ST3GAL3: variants seen among roughly 807,000 people sequenced by gnomAD.
ST3GAL3 encodes ST3 beta-galactoside alpha-2,3-sialyltransferase 3, also known as CMP-N-acetylneuraminate-beta-1,4-galactoside alpha-2,3-sialyltransferase.
A neutral mutation model predicts 50.1 loss-of-function variants in ST3GAL3; 21 were observed. That is an observed-to-expected ratio of 0.42 (90% CI 0.30 to 0.60). The LOEUF (loss-of-function observed/expected upper bound fraction) is 0.60, where lower values mean the gene tolerates loss of function less well. Among genes scored for constraint, ST3GAL3 ranks in the 20% least tolerant of loss-of-function variants. The probability of loss-of-function intolerance (pLI) is 0.19; values close to 1 mark genes in which losing one functional copy is unlikely to be tolerated. For missense variants in ST3GAL3, 353 were observed against 489.4 expected (o/e 0.72, Z 2.63); for synonymous variants, 183 against 190.0 (o/e 0.96, Z 0.30).
At chr1:43,910,880 C>T (rs549672421) in intron 9 of ST3GAL3, among the ~76,000 whole-genome samples, 2 of 152,340 alleles carry the variant, frequency 1.3e-5, no homozygotes, top group East Asian at 1.9e-4. Flanking sequence ...TGGCCACAAC[C>T]TTTGCCGTGG....
intron 6 of ST3GAL3, among the ~76,000 whole-genome samples, chr1:43,896,516 A>T (rs1443403564): frequency 1.3e-5 from 2 of 152,150 alleles, no homozygotes; most frequent in Admixed American, 1.3e-4. Context: ...ATTCTGCATT[A>T]TCCTGGCTTC....
intron 5 of ST3GAL3, among the ~76,000 whole-genome samples, chr1:43,892,936 T>G (rs1046295091): frequency 6.6e-6 from 1 of 152,244 alleles, no homozygotes; most frequent in Non-Finnish European, 1.5e-5. Context: ...ACTTAGATTT[T>G]ATATACTTGG....
intron 5 of ST3GAL3, among the ~76,000 whole-genome samples, chr1:43,867,855 GT>G (rs1222617787): frequency 6.6e-6 from 1 of 152,140 alleles, no homozygotes; most frequent in East Asian, 1.9e-4. Context: ...ATATATAAGG[GT>G]TGAATAGGAT....
At chr1:43,880,000 G>A (rs574129533) in intron 5 of ST3GAL3, among the ~76,000 whole-genome samples, 104 of 152,202 alleles carry the variant, frequency 6.8e-4, no homozygotes, top group Non-Finnish European at 1.1e-3. Flanking sequence ...ATGCTCTCCA[G>A]CCTCTGTGCA....
intron 2 of ST3GAL3, among the ~76,000 whole-genome samples, chr1:43,770,098 G>GA (rs949929349): frequency 9.3e-4 from 141 of 152,096 alleles, no homozygotes; most frequent in African/African-American, 3.4e-3. Context: ...AAAGATTTTT[G>GA]AAATGGAAAT....
intron 4 of ST3GAL3, among the ~76,000 whole-genome samples, chr1:43,823,352 G>A (rs1405577692): frequency 6.6e-6 from 1 of 151,994 alleles, no homozygotes. Context: ...CTTGTTTATT[G>A]TTTTATCCTG....
chr1:43,826,221 G>A (rs969541021), intron 4 of ST3GAL3, among the ~76,000 whole-genome samples: 4 of 152,106 alleles, frequency 2.6e-5, no homozygotes, highest in African/African-American at 9.7e-5. Context: ...TCACACCACT[G>A]CACTCCAGCC....
chr1:43,735,803 A>G (rs1208664736), intron 1 of ST3GAL3, among the ~76,000 whole-genome samples: 1 of 152,240 alleles, frequency 6.6e-6, no homozygotes, highest in Non-Finnish European at 1.5e-5. Context: ...AAGCAGGGAT[A>G]TTGTCAGATT....
Position 43,899,744 on chromosome 1 carries a change from C to T in ST3GAL3, c.744+17C>T. 1.9e-6 allele frequency: 3 copies of T among 1,611,618 alleles called. No individual in the cohort carries two copies. Among genetic ancestry groups the T allele is most frequent in the Non-Finnish European group, 2.5e-6 (3 of 1,178,016 alleles). On this transcript the variant is annotated intron_variant, in intron 9 of 11. Transcript: ENST00000347631. This position sits in a 1 kb window ranked among gnomAD's most constrained non-coding sequence, Gnocchi z 5.4. The stretch of plus-strand genomic sequence containing the variant: ...GAGAGAGTGGTAAGCTCTCCTGGCA[C>T]CAGCTTCTTCCCCTCTTGCCCTGGG...
intron 5 of ST3GAL3, among the ~76,000 whole-genome samples, chr1:43,889,325 T>C (rs979316069): frequency 1.3e-5 from 2 of 152,110 alleles, no homozygotes; most frequent in Admixed American, 1.3e-4. Context: ...GGGACAGAGA[T>C]GAAAGCTAGA....
chr1:43,734,371 C>T (rs1473804049), intron 1 of ST3GAL3, among the ~76,000 whole-genome samples: 1 of 145,828 alleles, frequency 6.9e-6, no homozygotes, highest in Non-Finnish European at 1.5e-5. Context: ...GTGGCACGCT[C>T]ACAACTCACT....
chr1:43,894,549 A>C, intron 6 of ST3GAL3, 72 bp downstream of exon 6: 1 of 1,379,398 alleles, frequency 7.2e-7, no homozygotes, highest in South Asian at 1.2e-5. Flanking sequence ...AGACAAGGCT[A>C]CATCCTCAGA....
rs1553350867 is a variant in ST3GAL3 at position 43,817,570 on chromosome 1, T to TCTTCTTCTTC, written c.209+2642_209+2643insTCTTCCTTCT. ...TCTTCTTCTTCTCCTTCTTCCTTCTTCTTCTCCTTCTCCTCCTTCTCCTCC... is the reference window on the plus strand; with the variant it reads ...TCTTCTTCTTCTCCTTCTTCCTTCTTCTTCTTCTTCCTTCTCCTTCTCCTCCTTCTCCTCC... On this transcript the variant is annotated intron_variant, in intron 4 of 11. Coordinates refer to ENST00000347631, the MANE Select transcript of ST3GAL3 (RefSeq NM_006279.5). Among the ~76,000 whole-genome samples the TCTTCTTCTTC allele has an allele frequency of 2.2e-4, 17 of 76,372 alleles. 3 individuals carry two copies. The highest frequency in any genetic ancestry group is 4.3e-4 in the Non-Finnish European group (16 of 36,964). The allele number at this position is 76,372 out of a possible 152,430, so 50.1% of individuals were successfully genotyped here.
intron 5 of ST3GAL3, among the ~76,000 whole-genome samples, chr1:43,857,097 T>C (rs781555086): frequency 6.6e-6 from 1 of 152,166 alleles, no homozygotes; most frequent in Non-Finnish European, 1.5e-5. Context: ...TCAGAGTACA[T>C]TGTTTCTCCT....
rs1159278598 is a variant in ST3GAL3, at chr1:43,838,721, G to T, written c.302+410G>T. ...ATCCAAATAAAGCAGGGAACAAAGA[G>T]AAATTTCTGAGGCTGTCTTGAGTTT... On this transcript the variant is annotated intron_variant, in intron 5 of 11. Coordinates refer to ENST00000347631, the MANE Select transcript of ST3GAL3 (RefSeq NM_006279.5). The T allele has an allele frequency of 1.1e-5, 3 of 275,938 alleles. No homozygotes were observed. In the East Asian group the frequency reaches 2.5e-4, roughly 23 times the overall value. The allele number at this position is 275,938 out of a possible 1,614,324, so 17.1% of individuals were successfully genotyped here. A position where few individuals can be genotyped will look rare whatever the true frequency, so the allele number is the denominator to read the frequency against.
rs1403041791 is a variant in ST3GAL3, at chr1:43,898,240, C to G, written c.403C>G (p.Leu135Val). ...CCTCTCTCCTCTGTCTGCAGACAATCTGATCAAAGCCATCTTGTCAGTCAC... is the reference window on the plus strand; with the variant it reads ...CCTCTCTCCTCTGTCTGCAGACAATGTGATCAAAGCCATCTTGTCAGTCAC... ...PPFGIKGQDNLIKAILSVTKE... is the reference protein window; with the variant it reads ...PPFGIKGQDNVIKAILSVTKE... Residue 135 changes from leucine to valine, a missense_variant, in exon 7 of 12, where the codon CTG becomes GTG. Physicochemically the swap from Leu to Val is conservative, Grantham distance 32 (BLOSUM62 1). Coordinates refer to ENST00000347631, the MANE Select transcript of ST3GAL3 (RefSeq NM_006279.5). 1 of 1,613,942 alleles carries G rather than the reference C, an allele frequency of 6.2e-7. No individual in the cohort carries two copies. Among genetic ancestry groups the G allele is most frequent in the Non-Finnish European group, 8.5e-7 (1 of 1,180,016 alleles).
At chr1:43,735,115 T>G (rs1010088920) in intron 1 of ST3GAL3, among the ~76,000 whole-genome samples, 11 of 152,096 alleles carry the variant, frequency 7.2e-5, no homozygotes, top group African/African-American at 2.7e-4. Flanking sequence ...AAATCGAGGC[T>G]CAGTCAGAAA....
chr1:43,875,608 T>A (rs1295927636), intron 5 of ST3GAL3, among the ~76,000 whole-genome samples: 1 of 152,090 alleles, frequency 6.6e-6, no homozygotes, highest in Non-Finnish European at 1.5e-5. Flanking sequence ...TTTATAAGCA[T>A]CTGGCATTTC....
intron 5 of ST3GAL3, among the ~76,000 whole-genome samples, chr1:43,845,980 T>G (rs1439512694): frequency 2.6e-5 from 4 of 152,248 alleles, no homozygotes; most frequent in African/African-American, 4.8e-5. Context: ...TCTGATTTAT[T>G]TTTGCTGTGC....
Sources: gnomAD v4.1 joint callset for allele counts (sites outside exome capture counted in the v4.1 genomes callset) on GRCh38, gnomAD v4.1.1 for gene constraint, Gnocchi (gnomAD v3.1) non-coding constraint, MANE v1.5 for transcripts, NCBI Gene and HGNC (gene_info 2026-07-23, HGNC 2026-07-21) for gene names.